Variants in VEPH1 observed in about 807,000 individuals in gnomAD.
The protein encoded by VEPH1 is ventricular zone expressed PH domain containing 1.
VEPH1 carries 80 observed loss-of-function variants against 85.2 expected under a neutral mutation model. The observed-to-expected ratio is 0.94, with a 90% CI of 0.78 to 1.13. VEPH1 has a LOEUF of 1.13. Among genes scored for constraint, VEPH1 ranks in the 50% most tolerant of loss-of-function variants. The pLI is 0.00. For synonymous variants in VEPH1, 297 were observed against 348.0 expected (o/e 0.85, Z 1.63); for missense variants, 955 against 980.5 (o/e 0.97, Z 0.35).
chr3:157,281,535 G>A (rs1388494173), intron 12 of VEPH1, among the ~76,000 whole-genome samples: 1 of 151,114 alleles, frequency 6.6e-6, no homozygotes, highest in Non-Finnish European at 1.5e-5. Context: ...TCAAAATCGA[G>A]TTTTCTTTTT....
intron 11 of VEPH1, among the ~76,000 whole-genome samples, chr3:157,294,020 AT>A (rs575135966): frequency 2.0e-5 from 3 of 151,806 alleles, no homozygotes; most frequent in African/African-American, 4.8e-5. Context: ...AATTGCAGTG[AT>A]TTTTTTTTCT....
intron 2 of VEPH1, among the ~76,000 whole-genome samples, chr3:157,473,145 T>C (rs1283351658): frequency 1.4e-5 from 2 of 143,902 alleles, no homozygotes; most frequent in Non-Finnish European, 3.0e-5. Context: ...CGATCTCAGG[T>C]CACTGCCACT....
At chr3:157,366,784 AAC>A (rs1726760006) in intron 7 of VEPH1, among the ~76,000 whole-genome samples, 1 of 152,100 alleles carries the variant, frequency 6.6e-6, no homozygotes, top group African/African-American at 2.4e-5. Flanking sequence ...AACAACAAAA[AAC>A]ACTACTTTTT....
At chr3:157,298,775 A>C (rs1046831010) in intron 11 of VEPH1, among the ~76,000 whole-genome samples, 1 of 152,226 alleles carries the variant, frequency 6.6e-6, no homozygotes, top group African/African-American at 2.4e-5. Context: ...GATTCTAGGA[A>C]ATAGTTTTTT....
intron 1 of VEPH1, among the ~76,000 whole-genome samples, chr3:157,502,719 T>C (rs1740210148): frequency 6.6e-6 from 1 of 152,226 alleles, no homozygotes; most frequent in Admixed American, 6.5e-5. Flanking sequence ...ACTACAACAA[T>C]TTAAGTGTGT....
At chr3:157,462,344 T>C (rs1434685201) in intron 3 of VEPH1, among the ~76,000 whole-genome samples, 2 of 152,154 alleles carry the variant, frequency 1.3e-5, no homozygotes, top group Admixed American at 6.5e-5. Context: ...TTTTAGCTAT[T>C]CTTTTAAATA....
chr3:157,422,184 G>C (rs1035962038), intron 5 of VEPH1, among the ~76,000 whole-genome samples: 1 of 152,162 alleles, frequency 6.6e-6, no homozygotes, highest in African/African-American at 2.4e-5. Flanking sequence ...AAGTGACCCA[G>C]CTAGTGTGAG....
At chr3:157,375,572 G>A (rs529666919) in intron 7 of VEPH1, among the ~76,000 whole-genome samples, 3 of 152,230 alleles carry the variant, frequency 2.0e-5, no homozygotes, top group Non-Finnish European at 4.4e-5. Flanking sequence ...ATGGAATGTA[G>A]GATAAATGGA....
chr3:157,405,718 C>T (rs886329886), intron 6 of VEPH1, among the ~76,000 whole-genome samples: 1 of 152,188 alleles, frequency 6.6e-6, no homozygotes, highest in African/African-American at 2.4e-5. Context: ...ACTTATAATG[C>T]TCTCCTAAAA....
intron 6 of VEPH1, among the ~76,000 whole-genome samples, chr3:157,399,208 G>A (rs1301062020): frequency 2.0e-5 from 3 of 152,214 alleles, no homozygotes; most frequent in African/African-American, 7.2e-5. Flanking sequence ...AATTGATAAT[G>A]GTTGGGAAGT....
chr3:157,498,826 C>A lies in VEPH1; in HGVS notation c.-157-3320G>T, dbSNP rs150287182. On this transcript the variant is annotated intron_variant, in intron 1 of 13. Transcript: ENST00000362010. ...AAATTCTACCTCATGTTCTGAGAAA[C>A]TCCCTACCCTTATGAATGTCATAGT... Among the ~76,000 whole-genome samples the A allele has an allele frequency of 6.6e-3, 1,002 of 152,348 alleles. 6 individuals carry two copies. Among genetic ancestry groups the A allele is most frequent in the Non-Finnish European group, 0.011 (758 of 68,034 alleles).
chr3:157,486,444 C>T (rs1577789313), intron 2 of VEPH1, among the ~76,000 whole-genome samples: 1 of 139,184 alleles, frequency 7.2e-6, no homozygotes, highest in Admixed American at 7.6e-5. Context: ...TGCAGTTAGC[C>T]AAGATTGTAC....
intron 12 of VEPH1, among the ~76,000 whole-genome samples, chr3:157,283,833 C>A (rs1716436624): frequency 6.6e-6 from 1 of 152,158 alleles, no homozygotes; most frequent in African/African-American, 2.4e-5. Context: ...TTTGTCAATT[C>A]TTTTAAAAAA....
intron 2 of VEPH1, among the ~76,000 whole-genome samples, chr3:157,471,599 A>C (rs908565163): frequency 1.3e-5 from 2 of 152,054 alleles, no homozygotes; most frequent in African/African-American, 4.8e-5. Flanking sequence ...TTTGCTTAGG[A>C]ATTTCCTTGC....
At chr3:157,482,140 C>A (rs1244156967) in intron 2 of VEPH1, among the ~76,000 whole-genome samples, 1 of 151,978 alleles carries the variant, frequency 6.6e-6, no homozygotes, top group African/African-American at 2.4e-5. Flanking sequence ...CTTAGGATTG[C>A]TTCAGGTATT....
intron 1 of VEPH1, among the ~76,000 whole-genome samples, chr3:157,500,348 T>C (rs1740005421): frequency 6.6e-6 from 1 of 152,208 alleles, no homozygotes; most frequent in Non-Finnish European, 1.5e-5. Flanking sequence ...CTTCTGGCAA[T>C]GTGTACAGGC....
intron 12 of VEPH1, among the ~76,000 whole-genome samples, chr3:157,279,527 G>A (rs1371677232): frequency 6.6e-6 from 1 of 152,124 alleles, no homozygotes; most frequent in African/African-American, 2.4e-5. Context: ...GTAGATGGAG[G>A]GAAAGGGGAG....
chr3:157,458,333 T>C (rs1174217035), intron 4 of VEPH1, among the ~76,000 whole-genome samples: 2 of 152,170 alleles, frequency 1.3e-5, no homozygotes, highest in Non-Finnish European at 2.9e-5. Context: ...TCAGCTCAGC[T>C]CTGATTTTGG....
intron 9 of VEPH1, among the ~76,000 whole-genome samples, chr3:157,360,008 T>A (rs995971568): frequency 6.6e-6 from 1 of 152,194 alleles, no homozygotes; most frequent in Non-Finnish European, 1.5e-5. Flanking sequence ...TTGACTACTA[T>A]GCATAATTCA....
Sources: gnomAD v4.1 joint callset for allele counts (sites outside exome capture counted in the v4.1 genomes callset) on GRCh38, gnomAD v4.1.1 for gene constraint, MANE v1.5 for transcripts, NCBI Gene and HGNC (gene_info 2026-07-23, HGNC 2026-07-21) for gene names.